NDRG1: variants seen among roughly 807,000 people sequenced by gnomAD.
The protein encoded by NDRG1 is protein NDRG1.
In NDRG1, 32 loss-of-function variants were observed where a neutral mutation model predicts 56.9. The ratio of observed to expected loss-of-function variants is 0.56; its 90% CI spans 0.42 to 0.76. The LOEUF (loss-of-function observed/expected upper bound fraction) is 0.76, where lower values mean the gene tolerates loss of function less well. Among genes scored for constraint, NDRG1 ranks in the 30% least tolerant of loss-of-function variants. The pLI is 0.00. For synonymous variants in NDRG1, 211 were observed against 204.1 expected, an observed-to-expected ratio of 1.03 and a Z score of -0.29; for missense variants, 507 against 545.7, an observed-to-expected ratio of 0.93 and a Z score of 0.71.
intron 1 of NDRG1, among the ~76,000 whole-genome samples, chr8:133,290,898 G>A (rs1243947658): frequency 6.6e-6 from 1 of 152,190 alleles, no homozygotes; most frequent in Non-Finnish European, 1.5e-5. Context: ...CCCGGGAGAG[G>A]CTGGGTATTA....
chr8:133,258,666 G>A lies in NDRG1; in HGVS notation c.390-240C>T, dbSNP rs913352591. Among the ~76,000 whole-genome samples the A allele has an allele frequency of 2.6e-5, 4 of 152,196 alleles. No individual in the cohort carries two copies. In the East Asian group the frequency reaches 5.8e-4, roughly 22 times the overall value. On this transcript the variant is annotated intron_variant, in intron 6 of 15. Transcript: ENST00000323851. ...GCCGCCACCCAGGCTCTGAGAGACC[G>A]TCTGACATTTACGGGAAGGCCCGTT...
intron 14 of NDRG1, 104 bp from the exon 15 acceptor site, chr8:133,242,178 T>A: frequency 8.2e-7 from 1 of 1,213,010 alleles, no homozygotes; most frequent in Non-Finnish European, 1.2e-6. Context: ...AGAGTTTGGC[T>A]CAAGACAAAA....
At chr8:133,252,270 T>C (rs1856094762) in intron 9 of NDRG1, among the ~76,000 whole-genome samples, 1 of 152,126 alleles carries the variant, frequency 6.6e-6, no homozygotes, top group Admixed American at 6.5e-5. Context: ...TAATTTTGTA[T>C]TTTCAGTAGA....
chr8:133,247,471 C>T (rs970115915), intron 12 of NDRG1, among the ~76,000 whole-genome samples: 1 of 152,220 alleles, frequency 6.6e-6, no homozygotes, highest in Non-Finnish European at 1.5e-5. Context: ...TGAAAGGAGT[C>T]AGGAAGCTTT....
rs184472531 is a variant in NDRG1, at chr8:133,290,089, C to T, written c.-18-5760G>A. 9.9e-5 allele frequency among the ~76,000 whole-genome samples: 15 copies of T among 152,262 alleles called. No individual in the cohort carries two copies. The East Asian group carries it at 2.9e-3, about 29-fold the overall frequency. ...TAGCCCCGCACCTTGGACCAAGGCC[C>T]CCACTTCTGCCAGCCTCAGACTCCT... On this transcript the variant is annotated intron_variant, in intron 1 of 15. Transcript: ENST00000323851.
intron 2 of NDRG1, chr8:133,281,104 C>T (rs1163320751): frequency 6.7e-6 from 1 of 148,778 alleles, no homozygotes; most frequent in African/African-American, 2.6e-5. Context: ...CGCCTGTAAT[C>T]TCAGCACTTT....
chr8:133,244,298 C>T, intron 14 of NDRG1, 57 bp downstream of exon 14: 4 of 1,599,924 alleles, frequency 2.5e-6, no homozygotes, highest in Non-Finnish European at 2.6e-6. Context: ...GAGGCACATG[C>T]ACTCCACCCA....
At chr8:133,248,632 C>T in intron 11 of NDRG1, 83 bp downstream of exon 11, 1 of 1,487,002 alleles carries the variant, frequency 6.7e-7, no homozygotes, top group Non-Finnish European at 9.4e-7. Context: ...CTGCCACACT[C>T]AGAAAGAAGG....
intron 1 of NDRG1, among the ~76,000 whole-genome samples, chr8:133,288,976 C>T (rs929442985): frequency 3.3e-5 from 5 of 152,334 alleles, no homozygotes; most frequent in African/African-American, 4.8e-5. Context: ...GCCAGAGAAG[C>T]GAAAGGTAGC....
chr8:133,271,476 G>C (rs1857182617), intron 3 of NDRG1, among the ~76,000 whole-genome samples: 1 of 152,142 alleles, frequency 6.6e-6, no homozygotes, highest in Admixed American at 6.5e-5. Flanking sequence ...TATGCCCATG[G>C]AGGAGGAGGT....
Position 133,239,062 on chromosome 8 carries a change from A to G in NDRG1, c.1001T>C (p.Val334Ala), listed in dbSNP as rs1855233466. ...GCTGCGGGTGCCATCCAGAGAAGTG[A>G]CGCTGGAACCAGAGGCTGTGCGGGA... The part of the protein sequence containing the change: ...MRSRTASGSS[V>A]TSLDGTRSRS... Residue 334 changes from valine (V) to alanine (A), a missense_variant, in exon 16 of 16, where the codon GTC (valine) becomes GCC (alanine). Val to Ala is a moderately conservative substitution (Grantham distance 64). Coordinates refer to ENST00000323851, the MANE Select transcript of NDRG1 (RefSeq NM_006096.4). The G allele has an allele frequency of 6.3e-7, 1 of 1,587,864 alleles. No homozygotes were observed. Among genetic ancestry groups the G allele is most frequent in the Non-Finnish European group, 8.6e-7 (1 of 1,168,382 alleles).
At chr8:133,267,936 G>C (rs1318538085) in intron 3 of NDRG1, among the ~76,000 whole-genome samples, 1 of 152,158 alleles carries the variant, frequency 6.6e-6, no homozygotes, top group Non-Finnish European at 1.5e-5. Flanking sequence ...GCAGGTATGG[G>C]ACACGCCACC....
At position 133,284,329 on chromosome 8, in the gene NDRG1, CCT is replaced by C. The variant is rs371927413; in HGVS notation, c.-18-2_-18-1del. 1,338 of 1,614,010 alleles carry C rather than the reference CCT, an allele frequency of 8.3e-4. 14 individuals are homozygous for C. In the African/African-American group the frequency reaches 0.017, roughly 20 times the overall value. On this transcript the variant is annotated splice_acceptor_variant, in intron 1 of 15. Transcript: ENST00000323851. LOFTEE classifies it low-confidence loss of function (5UTR_SPLICE). ...CGAGACATGTCCCTGCTGTCACCTG[CCT>C]GCAAGGAGACAAAGGCCAAAAGGTC...
chr8:133,267,114 A>C (rs912786061), intron 3 of NDRG1, among the ~76,000 whole-genome samples: 1 of 152,054 alleles, frequency 6.6e-6, no homozygotes, highest in Non-Finnish European at 1.5e-5. Flanking sequence ...CCAGGCCACC[A>C]TCGTGCTTCT....
At chr8:133,246,511 T>G (rs2130684500) in intron 13 of NDRG1, 105 bp downstream of exon 13, 2 of 1,149,046 alleles carry the variant, frequency 1.7e-6, no homozygotes, top group Non-Finnish European at 2.6e-6. Flanking sequence ...TTCTATAGTT[T>G]CTGATCGTGT....
chr8:133,271,650 C>T (rs2130764437), intron 3 of NDRG1, among the ~76,000 whole-genome samples: 2 of 151,934 alleles, frequency 1.3e-5, no homozygotes, highest in Admixed American at 1.3e-4. Flanking sequence ...CATGGTGGCT[C>T]ACGCCTATAG....
intron 15 of NDRG1, 175 bp downstream of exon 15, chr8:133,241,848 G>C (rs540246450): frequency 1.4e-6 from 1 of 696,568 alleles, no homozygotes; most frequent in East Asian, 2.7e-5. Context: ...TGATAAATGA[G>C]AGGCTAGATC....
rs909037034 is a variant in NDRG1 at position 133,247,795 on chromosome 8, C to G, written c.807+80G>C. On this transcript the variant is annotated intron_variant, in intron 12 of 15. Coordinates refer to ENST00000323851, the MANE Select transcript of NDRG1 (RefSeq NM_006096.4). ...CTGATGGGGCAGAGGAGAGGAGGGG[C>G]AGGCAGGGCCACTTCAACAAAGTCA... is the stretch of plus-strand genomic sequence containing the variant. The G allele has an allele frequency of 4.2e-6, 6 of 1,445,460 alleles. No individual in the cohort carries two copies. In the African/African-American group the frequency reaches 8.4e-5, roughly 20 times the overall value. The allele number at this position is 1,445,460 out of a possible 1,614,324, so 89.5% of individuals were successfully genotyped here.
chr8:133,282,798 T>C (rs1857887914), intron 2 of NDRG1, among the ~76,000 whole-genome samples: 1 of 152,216 alleles, frequency 6.6e-6, no homozygotes, highest in Non-Finnish European at 1.5e-5. Context: ...ATGCCTAAGA[T>C]ATTTACTATT....
Sources: gnomAD v4.1 joint callset for allele counts (sites outside exome capture counted in the v4.1 genomes callset) on GRCh38, gnomAD v4.1.1 for gene constraint, MANE v1.5 for transcripts, NCBI Gene and HGNC (gene_info 2026-07-23, HGNC 2026-07-21) for gene names.